Variants in DOCK1 observed in about 807,000 individuals in gnomAD.
The protein encoded by DOCK1 is dedicator of cytokinesis protein 1.
In DOCK1, 138 loss-of-function variants were observed where a neutral mutation model predicts 262.7. The observed-to-expected ratio is 0.53, with a 90% CI of 0.46 to 0.61. The LOEUF is 0.61. DOCK1 is among the 20% of genes least tolerant of loss of function. The pLI, the probability that DOCK1 is intolerant of heterozygous loss-of-function variation, is 0.00. For synonymous variants in DOCK1, 866 were observed against 867.4 expected (o/e 1.00, Z 0.03); for missense variants, 1,908 against 2,370.7 (o/e 0.80, Z 4.05).
At position 127,137,688 on chromosome 10, in the gene DOCK1, T is replaced by C. The variant is rs1372400034; in HGVS notation, c.2847+9924T>C. On this transcript the variant is annotated intron_variant, in intron 27 of 51. Coordinates refer to ENST00000623213, the MANE Select transcript of DOCK1 (RefSeq NM_001290223.2). ...CTTGCTTCTGTTAATTATCTATTGG[T>C]ACAAAGGCCTTTTTGGTACGCAGGG... 14 of 654,048 alleles carry C rather than the reference T, an allele frequency of 2.1e-5. No homozygotes were observed. In the East Asian group the frequency reaches 3.6e-4, roughly 17 times the overall value. 40.5% of individuals were successfully genotyped at this position (654,048 alleles called of 1,614,324 possible). A position where few individuals can be genotyped will look rare whatever the true frequency, so the allele number is the denominator to read the frequency against.
intron 32 of DOCK1, among the ~76,000 whole-genome samples, chr10:127,357,399 C>T (rs151104357): frequency 6.6e-5 from 10 of 152,304 alleles, no homozygotes; most frequent in Non-Finnish European, 1.0e-4. Context: ...TGAGTTTCTC[C>T]GCGTGCCCTC....
At chr10:126,908,137 G>A (rs1476360352) in intron 1 of DOCK1, among the ~76,000 whole-genome samples, 1 of 149,514 alleles carries the variant, frequency 6.7e-6, no homozygotes, top group Admixed American at 6.6e-5. Flanking sequence ...GGGAGGGTGG[G>A]AGGGGAGCTG....
intron 29 of DOCK1, among the ~76,000 whole-genome samples, chr10:127,270,202 A>C (rs2060511706): frequency 6.6e-6 from 1 of 152,184 alleles, no homozygotes; most frequent in African/African-American, 2.4e-5. Context: ...GATGTCTGGC[A>C]AGAAAAGCTA....
At chr10:127,114,746 C>CTT (rs370043438) in intron 25 of DOCK1, among the ~76,000 whole-genome samples, 22,592 of 136,276 alleles carry the variant, frequency 0.17, 2,064 homozygotes, top group African/African-American at 0.26. Flanking sequence ...ACTCATGATC[C>CTT]TTTTTTTTCT....
chr10:127,187,384 G>T (rs1564884529), intron 27 of DOCK1, among the ~76,000 whole-genome samples: 1 of 152,142 alleles, frequency 6.6e-6, no homozygotes, highest in Non-Finnish European at 1.5e-5. Flanking sequence ...ATTCTCTGTG[G>T]ACTTGAGCAT....
At chr10:127,246,640 A>G (rs1415916157) in intron 27 of DOCK1, among the ~76,000 whole-genome samples, 2 of 152,256 alleles carry the variant, frequency 1.3e-5, no homozygotes, top group Non-Finnish European at 2.9e-5. Flanking sequence ...CAAATGGAAG[A>G]TATCATATCA....
chr10:127,288,483 T>A (rs1257247850), intron 29 of DOCK1, among the ~76,000 whole-genome samples: 1 of 152,108 alleles, frequency 6.6e-6, no homozygotes, highest in Non-Finnish European at 1.5e-5. Context: ...TTCTTTTTTT[T>A]AATTCTCTTT....
At chr10:127,112,899 T>G (rs1276186929) in intron 25 of DOCK1, among the ~76,000 whole-genome samples, 1 of 152,106 alleles carries the variant, frequency 6.6e-6, no homozygotes, top group Non-Finnish European at 1.5e-5. Flanking sequence ...GTTTTAAGCG[T>G]TTTTCTTAAA....
chr10:126,991,615 C>T (rs4750692), intron 6 of DOCK1, among the ~76,000 whole-genome samples: 99,531 of 151,322 alleles, frequency 0.66, 33,168 homozygotes, highest in East Asian at 0.78. Context: ...TTGCAATCCC[C>T]GTCTCCTGGG....
intron 23 of DOCK1, among the ~76,000 whole-genome samples, chr10:127,093,686 T>C (rs753537202): frequency 1.6e-4 from 25 of 151,820 alleles, no homozygotes; most frequent in Non-Finnish European, 2.2e-4. Flanking sequence ...ATAGTCATCA[T>C]TGGATTTAGG....
At chr10:127,301,252 G>A (rs2061669813) in intron 29 of DOCK1, among the ~76,000 whole-genome samples, 1 of 152,204 alleles carries the variant, frequency 6.6e-6, no homozygotes, top group South Asian at 2.1e-4. Context: ...GTTAGGCCTG[G>A]ATCGGAGGGT....
At position 127,211,771 on chromosome 10, in the gene DOCK1, C is replaced by T. The variant is rs781569259; in HGVS notation, c.2848-36237C>T. ...GGTCCAGCCCTGCTGTCCAGGCCAC[C>T]CCCAGGATGGGAGCCCTGAATCCTC... On this transcript the variant is annotated intron_variant, in intron 27 of 51. Coordinates refer to ENST00000623213, the MANE Select transcript of DOCK1 (RefSeq NM_001290223.2). 5.9e-5 allele frequency among the ~76,000 whole-genome samples: 9 copies of T among 152,224 alleles called. No individual in the cohort carries two copies. The South Asian group carries it at 1.2e-3, about 21-fold the overall frequency.
intron 35 of DOCK1, among the ~76,000 whole-genome samples, chr10:127,375,676 T>C (rs1460166030): frequency 1.3e-5 from 2 of 152,258 alleles, no homozygotes; most frequent in Non-Finnish European, 2.9e-5. Context: ...TGAAAGCTCA[T>C]GAGCAGTCTT....
chr10:127,022,687 C>T (rs1334307358), intron 13 of DOCK1, among the ~76,000 whole-genome samples: 1 of 152,184 alleles, frequency 6.6e-6, no homozygotes, highest in Non-Finnish European at 1.5e-5. Flanking sequence ...TGAGCCACCT[C>T]GCCTGGCCGG....
At chr10:127,016,349 AT>A (rs2041877458) in intron 12 of DOCK1, 1 of 152,306 alleles carries the variant, frequency 6.6e-6, no homozygotes, top group African/African-American at 2.4e-5. Flanking sequence ...GCTCCAGCTA[AT>A]GGAAATCTGA....
chr10:127,182,587 T>A (rs984800958), intron 27 of DOCK1, among the ~76,000 whole-genome samples: 6 of 152,236 alleles, frequency 3.9e-5, no homozygotes, highest in African/African-American at 1.2e-4. Context: ...AATTTTATGA[T>A]GTTGGTGAAA....
At chr10:127,081,636 C>T (rs1251037049) in intron 23 of DOCK1, among the ~76,000 whole-genome samples, 1 of 152,108 alleles carries the variant, frequency 6.6e-6, no homozygotes, top group African/African-American at 2.4e-5. Flanking sequence ...GTAATGGTGG[C>T]TTCAATTGCT....
chr10:127,443,872 G>T (rs995519193), intron 49 of DOCK1, among the ~76,000 whole-genome samples: 1 of 151,942 alleles, frequency 6.6e-6, no homozygotes, highest in Non-Finnish European at 1.5e-5. Context: ...GTTTTGGGGG[G>T]TCTCTGGGGC....
intron 29 of DOCK1, among the ~76,000 whole-genome samples, chr10:127,270,404 A>G (rs2060519528): frequency 6.6e-6 from 1 of 152,102 alleles, no homozygotes; most frequent in African/African-American, 2.4e-5. Context: ...CTTTTCACTT[A>G]ATAAGTAAAT....
Sources: gnomAD v4.1 joint callset for allele counts (sites outside exome capture counted in the v4.1 genomes callset) on GRCh38, gnomAD v4.1.1 for gene constraint, MANE v1.5 for transcripts, NCBI Gene and HGNC (gene_info 2026-07-23, HGNC 2026-07-21) for gene names.